DNAH9: variants seen among roughly 807,000 people sequenced by gnomAD.
The protein encoded by DNAH9 is dynein axonemal heavy chain 9.
DNAH9 carries 345 observed loss-of-function variants against 471.6 expected under a neutral mutation model. The observed-to-expected ratio is 0.73, with a 90% CI of 0.67 to 0.80. The LOEUF (loss-of-function observed/expected upper bound fraction) is 0.80. Ranked by LOEUF, DNAH9 falls within the 30% of genes least tolerant of loss-of-function variation. DNAH9 has a pLI of 0.00. For synonymous variants in DNAH9, 2,093 were observed against 2,123.6 expected (o/e 0.99, Z 0.40); for missense variants, 5,407 against 5,609.2 (o/e 0.96, Z 1.15).
At chr17:11,633,344 T>C (rs960605449) in intron 8 of DNAH9, among the ~76,000 whole-genome samples, 1 of 152,206 alleles carries the variant, frequency 6.6e-6, no homozygotes, top group Non-Finnish European at 1.5e-5. Flanking sequence ...AGAAGTCACA[T>C]TGTGGTTCAG....
At chr17:11,815,185 T>G (rs2150933171) in intron 45 of DNAH9, among the ~76,000 whole-genome samples, 1 of 120,200 alleles carries the variant, frequency 8.3e-6, no homozygotes, top group East Asian at 2.6e-4. Flanking sequence ...CTTTTCCTTT[T>G]GTGGTAATAA....
intron 37 of DNAH9, 106 bp downstream of exon 37, chr17:11,768,732 G>A: frequency 1.5e-6 from 2 of 1,373,088 alleles, no homozygotes; most frequent in Non-Finnish European, 2.0e-6. Flanking sequence ...GTCCTTGCTA[G>A]GAACTAGTCA....
At chr17:11,748,148 CAAAAAAAA>C (rs71142241) in intron 32 of DNAH9, among the ~76,000 whole-genome samples, 21 of 64,678 alleles carry the variant, frequency 3.2e-4, no homozygotes, top group African/African-American at 9.4e-4. Context: ...ACTAAAAATA[CAAAAAAAA>C]AAAAAAAAAA....
At position 11,727,792 on chromosome 17, in the gene DNAH9, T is replaced by C. The variant is rs769506361; in HGVS notation, c.5710-26T>C. The C allele has an allele frequency of 6.5e-6, 10 of 1,537,612 alleles. No homozygotes were observed. In the South Asian group the frequency reaches 1.1e-4, roughly 17 times the overall value. On this transcript the variant is annotated intron_variant, in intron 27 of 68. Coordinates refer to ENST00000262442, the MANE Select transcript of DNAH9 (RefSeq NM_001372.4). ...ATTGATAAGCCTGGCCCGTTGGTAA[T>C]TTAATCTTTGTGCATTTTCTTGCAG...
rs1322480328 is a variant in DNAH9 at position 11,969,489 on chromosome 17, T to C, written c.13423T>C (p.Trp4475Arg). The C allele has an allele frequency of 5.6e-6, 9 of 1,611,512 alleles. No individual in the cohort carries two copies. The highest frequency in any genetic ancestry group is 5.9e-6 in the Non-Finnish European group (7 of 1,179,310). The change falls in exon 69 of 69, where the codon TGG becomes CGG. Residue 4475 changes from tryptophan to arginine, a missense_variant. Transcript: ENST00000262442. ...GAAGACTAAGGAAAACCCATCCAAG[T>C]GGGTTCTGGCTGGAGTAGCCTTGCT... ...NLKTKENPSKWVLAGVALLLQ... is the reference protein window; with the variant it reads ...NLKTKENPSKRVLAGVALLLQ...
At chr17:11,637,868 G>T (rs1165232654) in intron 9 of DNAH9, among the ~76,000 whole-genome samples, 1 of 152,134 alleles carries the variant, frequency 6.6e-6, no homozygotes, top group Non-Finnish European at 1.5e-5. Flanking sequence ...GATGCATCGT[G>T]AGTGGGAGAT....
intron 14 of DNAH9, among the ~76,000 whole-genome samples, chr17:11,659,070 A>G (rs1341503522): frequency 2.0e-5 from 3 of 152,276 alleles, no homozygotes; most frequent in Non-Finnish European, 2.9e-5. Flanking sequence ...TCTTAACTCA[A>G]CCTTAAATAT....
intron 45 of DNAH9, 122 bp from the exon 46 acceptor site, chr17:11,821,798 G>T: frequency 9.4e-7 from 1 of 1,066,646 alleles, no homozygotes; most frequent in East Asian, 2.4e-5. Flanking sequence ...TCACCAGCAA[G>T]AGAGTTGGTA....
At chr17:11,749,136 A>G (rs2005810) in intron 32 of DNAH9, among the ~76,000 whole-genome samples, 106,123 of 139,722 alleles carry the variant, frequency 0.76, 40,790 homozygotes, top group East Asian at 0.92. Context: ...CCAGGCTGGA[A>G]TGCAGTGGCA....
chr17:11,800,494 AC>A (rs1321682898), intron 43 of DNAH9, among the ~76,000 whole-genome samples: 2 of 152,152 alleles, frequency 1.3e-5, no homozygotes, highest in African/African-American at 4.8e-5. Flanking sequence ...AAAATAATAA[AC>A]TATTCCTTGC....
At chr17:11,611,147 G>A (rs1298464825) in intron 3 of DNAH9, among the ~76,000 whole-genome samples, 1 of 152,164 alleles carries the variant, frequency 6.6e-6, no homozygotes, top group Non-Finnish European at 1.5e-5. Flanking sequence ...CTCAAAAGGA[G>A]GCAGACAGAT....
chr17:11,961,847 C>T lies in DNAH9; in HGVS notation c.12844-20C>T, dbSNP rs1976213408. On this transcript the variant is annotated intron_variant, in intron 67 of 68. Coordinates refer to ENST00000262442, the MANE Select transcript of DNAH9 (RefSeq NM_001372.4). Reference sequence around the variant, plus strand: ...CTTCCCACCTTCTCACGCTTTCCCCCTCCCATTCTTTATCTTCAGGGGGAG... The same window carrying T: ...CTTCCCACCTTCTCACGCTTTCCCCTTCCCATTCTTTATCTTCAGGGGGAG... The T allele has an allele frequency of 1.3e-6, 2 of 1,580,014 alleles. No individual in the cohort carries two copies. The highest frequency in any genetic ancestry group is 1.3e-5 in the African/African-American group (1 of 74,102).
At chr17:11,857,675 G>T (rs765253707) in intron 50 of DNAH9, among the ~76,000 whole-genome samples, 1 of 152,158 alleles carries the variant, frequency 6.6e-6, no homozygotes, top group East Asian at 1.9e-4. Context: ...TGCCCAAATC[G>T]CATGTTGAAT....
chr17:11,827,909 C>T (rs953819054), intron 48 of DNAH9, among the ~76,000 whole-genome samples: 12 of 152,160 alleles, frequency 7.9e-5, no homozygotes, highest in Admixed American at 4.6e-4. Context: ...TGGTCTCGAA[C>T]TCCTGACCTC....
At position 11,598,904 on chromosome 17, in the gene DNAH9, C is replaced by G. The variant is rs758636541; in HGVS notation, c.406C>G (p.Leu136Val). Residue 136 changes from leucine (L) to valine (V), a missense_variant, in exon 1 of 69, where the codon CTG becomes GTG. Leu to Val is a conservative substitution (Grantham distance 32, BLOSUM62 1). This residue lies in a region of DNAH9 where 767 missense variants were observed against 692.5 expected (regional missense o/e 1.11). Coordinates refer to ENST00000262442, the MANE Select transcript of DNAH9 (RefSeq NM_001372.4). ...PAAPLEHLAA[L>V]FSEVVLPVLA... is the part of the protein sequence containing the mutation. ...GGCACCTCTGGAGCACCTAGCCGCG[C>G]TGTTCTCGGAGGTGAGGGTGGGTTA... is the stretch of plus-strand genomic sequence containing the variant. The G allele has an allele frequency of 1.3e-5, 20 of 1,502,882 alleles. No homozygotes were observed. The highest frequency in any genetic ancestry group is 3.9e-5 in the Admixed American group (2 of 51,466). The allele number at this position is 1,502,882 out of a possible 1,614,324, so 93.1% of individuals were successfully genotyped here. A position where few individuals can be genotyped will look rare whatever the true frequency, so the allele number is the denominator to read the frequency against.
chr17:11,721,279 T>C (rs959510626), intron 27 of DNAH9, among the ~76,000 whole-genome samples: 3 of 152,110 alleles, frequency 2.0e-5, no homozygotes, highest in African/African-American at 7.2e-5. Context: ...GTTTTTTTGT[T>C]TTGTTTTTTG....
intron 27 of DNAH9, among the ~76,000 whole-genome samples, chr17:11,727,218 A>G (rs1197506158): frequency 6.6e-6 from 1 of 152,152 alleles, no homozygotes; most frequent in Non-Finnish European, 1.5e-5. Context: ...TTCATATTGA[A>G]TGCCCAGGAT....
intron 27 of DNAH9, among the ~76,000 whole-genome samples, chr17:11,721,717 G>C (rs1047949389): frequency 6.6e-6 from 1 of 152,028 alleles, no homozygotes; most frequent in Non-Finnish European, 1.5e-5. Flanking sequence ...GAAAGAGAGA[G>C]ATAGTATAAC....
chr17:11,651,427 G>A, intron 13 of DNAH9, 103 bp downstream of exon 13: 1 of 1,232,332 alleles, frequency 8.1e-7, no homozygotes, highest in South Asian at 1.5e-5. Flanking sequence ...ATTTGGGGTT[G>A]AAACATAAGT....
Sources: allele counts gnomAD v4.1 joint callset (sites outside exome capture counted in the v4.1 genomes callset), GRCh38; gene constraint gnomAD v4.1.1; regional missense constraint gnomAD v4.1.1; transcripts MANE v1.5; gene names NCBI Gene and HGNC (gene_info 2026-07-23, HGNC 2026-07-21).